The following PARP10 variants were observed in gnomAD, a reference collection of about 807,000 sequenced individuals.
PARP10 encodes protein mono-ADP-ribosyltransferase PARP10.
Under a neutral mutation model 82.4 loss-of-function variants are expected in PARP10, and 56 were observed. The observed-to-expected ratio is 0.68, with a 90% CI of 0.55 to 0.85. The LOEUF (loss-of-function observed/expected upper bound fraction) is 0.85, where lower values mean the gene tolerates loss of function less well. PARP10 is among the 40% of genes least tolerant of loss of function. The pLI, the probability that PARP10 is intolerant of heterozygous loss-of-function variation, is 0.00. For synonymous variants in PARP10, 576 were observed against 601.1 expected, an observed-to-expected ratio of 0.96 and a Z score of 0.61; for missense variants, 1,227 against 1,379.4, an observed-to-expected ratio of 0.89 and a Z score of 1.75.
chr8:143,981,438 A>T (rs868923927), intron 9 of PARP10, among the ~76,000 whole-genome samples: 1 of 40,392 alleles, frequency 2.5e-5, no homozygotes, highest in African/African-American at 1.4e-4. Context: ...GGTGGTGATG[A>T]TGGTGGTGAC....
At chr8:144,007,740 C>T (rs146566100) in intron 1 of PARP10, among the ~76,000 whole-genome samples, 162 of 152,188 alleles carry the variant, frequency 1.1e-3, no homozygotes, top group African/African-American at 3.6e-3. Context: ...AGGCTAGAGG[C>T]GAGAAGAGCA....
intron 1 of PARP10, among the ~76,000 whole-genome samples, chr8:144,009,175 C>T (rs1197148723): frequency 6.6e-6 from 1 of 152,130 alleles, no homozygotes; most frequent in African/African-American, 2.4e-5. Context: ...CTGTGTGTGC[C>T]CCATCTCTAC....
chr8:144,012,112 A>G (rs1324030102), intron 1 of PARP10, among the ~76,000 whole-genome samples: 2 of 152,234 alleles, frequency 1.3e-5, no homozygotes, highest in Non-Finnish European at 1.5e-5. Flanking sequence ...AAGCCAGTGG[A>G]CAATGTTAAG....
At chr8:144,004,907 G>A (rs782281384) in intron 1 of PARP10, among the ~76,000 whole-genome samples, 12 of 152,142 alleles carry the variant, frequency 7.9e-5, no homozygotes, top group Admixed American at 2.0e-4. Context: ...GTCCGGGCAC[G>A]GTGGCTCATG....
rs374533809 is a variant in PARP10, at chr8:143,986,455, A to G, written c.-96T>C. 4.7e-5 allele frequency: 76 copies of G among 1,601,620 alleles called. No homozygotes were observed. The East Asian group carries it at 6.5e-4, about 14-fold the overall frequency. ...CTAACCCTGCTGGGAGCAGGAAAAC[A>G]AAAGTGAAACTGAAAGACGGAAGGA... is the stretch of plus-strand genomic sequence containing the variant. On this transcript the variant is annotated 5_prime_UTR_variant, in exon 1 of 11. Coordinates refer to ENST00000313028, the MANE Select transcript of PARP10 (RefSeq NM_032789.5).
chr8:143,997,636 T>A (rs543073904), intron 1 of PARP10, among the ~76,000 whole-genome samples: 1 of 152,208 alleles, frequency 6.6e-6, no homozygotes, highest in East Asian at 1.9e-4. Flanking sequence ...TTCTTTGAAG[T>A]TCTCTTTGGA....
rs151203246 is a variant in PARP10 at position 143,985,492 on chromosome 8, C to T, written c.593G>A (p.Arg198His). 35 of 1,613,842 alleles carry T rather than the reference C, an allele frequency of 2.2e-5. No homozygotes were observed. Among genetic ancestry groups the T allele is most frequent in the African/African-American group, 2.7e-5 (2 of 75,036 alleles). ...LLELYLENER[R>H]SGGGPLEDLQ... Reference sequence around the variant, plus strand: ...GTCCTCCAGGGGCCCCCCACCACTGCGGCGCTCATTCTCCAGGTACAACTC... The same window carrying T: ...GTCCTCCAGGGGCCCCCCACCACTGTGGCGCTCATTCTCCAGGTACAACTC... The change falls in exon 4 of 11, where the codon CGC becomes CAC. Residue 198 changes from arginine to histidine, a missense_variant. By Grantham distance (29) the Arg-to-His change is conservative (BLOSUM62 0). Transcript: ENST00000313028.
intron 9 of PARP10, 86 bp downstream of exon 9, chr8:143,982,846 G>C (rs1414189510): frequency 1.3e-6 from 2 of 1,556,732 alleles, no homozygotes; most frequent in Non-Finnish European, 1.7e-6. Flanking sequence ...ATGTAGGCGA[G>C]AGGGACAGGC....
rs1018476123 is a variant in PARP10, at chr8:144,011,823, G to A, written c.-80+707C>T. On this transcript the variant is annotated intron_variant, in intron 1 of 3. Transcript: ENST00000530478. The surrounding 1 kb of genome is among the most constrained non-coding windows in gnomAD (Gnocchi z 4.5). Reference sequence around the variant, plus strand: ...AGAAATGGAAACTCCAAGTTATAGAGAGCTCCTGGACCAGCAGTAAGATAG... The same window carrying A: ...AGAAATGGAAACTCCAAGTTATAGAAAGCTCCTGGACCAGCAGTAAGATAG... Among the ~76,000 whole-genome samples the A allele has an allele frequency of 1.3e-5, 2 of 152,112 alleles. No individual in the cohort carries two copies. Among genetic ancestry groups the A allele is most frequent in the East Asian group, 3.9e-4 (2 of 5,186 alleles).
chr8:143,982,768 A>C (rs1328361626), intron 9 of PARP10, among the ~76,000 whole-genome samples, 164 bp downstream of exon 9: 4 of 151,916 alleles, frequency 2.6e-5, no homozygotes, highest in Non-Finnish European at 5.9e-5. Flanking sequence ...TTCCCTACCC[A>C]CTTTGGGAAC....
chr8:143,991,379 C>T (rs781991548), upstream of PARP10: 11 of 1,201,428 alleles, frequency 9.2e-6, no homozygotes, highest in East Asian at 1.0e-4. Flanking sequence ...CCTCCCCCTA[C>T]GGTCAGCCAG....
intron 1 of PARP10, among the ~76,000 whole-genome samples, chr8:144,007,820 C>A (rs1834245025): frequency 6.6e-6 from 1 of 152,186 alleles, no homozygotes; most frequent in Admixed American, 6.5e-5. Flanking sequence ...AGACCCAGGG[C>A]CCATGGGAGA....
chr8:143,977,785 A>T lies in PARP10; in HGVS notation c.2777T>A (p.Leu926Gln). The T allele has an allele frequency of 6.2e-7, 1 of 1,603,110 alleles. No individual in the cohort carries two copies. The highest frequency in any genetic ancestry group is 8.5e-7 in the Non-Finnish European group (1 of 1,175,378). ...GGGCGAGTAGCGGTCCTGCACCGAC[A>T]GGGAGGCGCGCCTGGCGAAATACAC... ...KGVYFARRAS[L>Q]SVQDRYSPPN... Residue 926 changes from leucine (L) to glutamine (Q), a missense_variant, in exon 11 of 11, where the codon CTG (leucine) becomes CAG (glutamine). By Grantham distance (113) the Leu-to-Gln change is moderately radical (BLOSUM62 -2). Coordinates refer to ENST00000313028, the MANE Select transcript of PARP10 (RefSeq NM_032789.5).
rs1471794116 is a variant in PARP10, at chr8:143,984,834, T to A, written c.1168A>T (p.Thr390Ser). The A allele has an allele frequency of 1.2e-6, 2 of 1,611,938 alleles. No individual in the cohort carries two copies. Among genetic ancestry groups the A allele is most frequent in the African/African-American group, 2.7e-5 (2 of 74,588 alleles). Residue 390 changes from threonine (T) to serine (S), a missense_variant, in exon 5 of 11, where the codon ACC becomes TCC. Thr to Ser is a moderately conservative substitution (Grantham distance 58, BLOSUM62 1). Coordinates refer to ENST00000313028, the MANE Select transcript of PARP10 (RefSeq NM_032789.5). Reference sequence around the variant, plus strand: ...TCCTGCCCCAGCAACCCCTTAGAGGTCTCCACTGGGCCTGCAGACCCCACA... The same window carrying A: ...TCCTGCCCCAGCAACCCCTTAGAGGACTCCACTGGGCCTGCAGACCCCACA... ...GPVGSAGPVE[T>S]SKGLLGQEGL... is the part of the protein sequence containing the mutation.
Position 143,982,922 on chromosome 8 carries a change from A to G in PARP10, c.2556+10T>C, listed in dbSNP as rs782740702. The G allele has an allele frequency of 1.2e-6, 2 of 1,613,182 alleles. No individual in the cohort carries two copies. The highest frequency in any genetic ancestry group is 3.3e-5 in the Admixed American group (2 of 60,016). On this transcript the variant is annotated intron_variant, in intron 9 of 10. Coordinates refer to ENST00000313028, the MANE Select transcript of PARP10 (RefSeq NM_032789.5). ...CGCCATGAGGCCAGAGAGACAGGGC[A>G]TGGACTCACACGAACGACGCGGATG...
rs781860478 is a variant in PARP10, at chr8:143,985,313, A to C, written c.689T>G (p.Leu230Trp). ...FQQWQVAERVLQQEHRLQGSE... is the reference protein window; with the variant it reads ...FQQWQVAERVWQQEHRLQGSE... ...GCCCTGCAACCGGTGCTCCTGCTGC[A>C]ACACTCGTTCTGCCACTTGGAGGAA... Residue 230 changes from leucine to tryptophan, a missense_variant, in exon 5 of 11, where the codon TTG becomes TGG. Transcript: ENST00000313028. 6.2e-7 allele frequency: 1 copy of C among 1,608,110 alleles called. No individual in the cohort carries two copies. Among genetic ancestry groups the C allele is most frequent in the South Asian group, 1.1e-5 (1 of 90,532 alleles).
chr8:143,991,924 T>G, upstream of PARP10: 1 of 1,613,572 alleles, frequency 6.2e-7, no homozygotes, highest in Non-Finnish European at 8.5e-7. Flanking sequence ...CTGTCCACGG[T>G]GTCTGTGTTC....
At chr8:143,979,181 G>C (rs1419559317) in intron 9 of PARP10, among the ~76,000 whole-genome samples, 1 of 152,058 alleles carries the variant, frequency 6.6e-6, no homozygotes, top group South Asian at 2.1e-4. Flanking sequence ...CACTGTGTTA[G>C]CCAGGATGGT....
chr8:143,980,345 A>C (rs1223337046), intron 9 of PARP10, among the ~76,000 whole-genome samples: 5 of 146,946 alleles, frequency 3.4e-5, no homozygotes, highest in African/African-American at 5.0e-5. Context: ...AAAAAAAAAA[A>C]AAAAAACCAT....
Sources: allele counts gnomAD v4.1 joint callset (sites outside exome capture counted in the v4.1 genomes callset), GRCh38; gene constraint gnomAD v4.1.1; non-coding constraint Gnocchi (gnomAD v3.1); transcripts MANE v1.5; gene names NCBI Gene and HGNC (gene_info 2026-07-23, HGNC 2026-07-21).